WWOX: variants seen among roughly 807,000 people sequenced by gnomAD.
The protein encoded by WWOX is WW domain containing oxidoreductase.
A neutral mutation model predicts 46.2 loss-of-function variants in WWOX; 69 were observed. The observed-to-expected ratio is 1.49, with a 90% CI of 1.23 to 1.82. WWOX has a LOEUF of 1.82. WWOX is among the 40% of genes most tolerant of loss of function. The pLI is 0.00. For missense variants in WWOX, 919 were observed against 542.6 expected, an observed-to-expected ratio of 1.69 and a Z score of -6.89; for synonymous variants, 359 against 202.6, an observed-to-expected ratio of 1.77 and a Z score of -6.56.
intron 8 of WWOX, among the ~76,000 whole-genome samples, chr16:79,052,886 A>G (rs2048195169): frequency 6.6e-6 from 1 of 150,476 alleles, no homozygotes; most frequent in Non-Finnish European, 1.5e-5. Flanking sequence ...GATAATTACT[A>G]ATATGTCTGC....
intron 6 of WWOX, among the ~76,000 whole-genome samples, chr16:78,397,370 T>A (rs1216809605): frequency 6.6e-6 from 1 of 152,190 alleles, no homozygotes; most frequent in African/African-American, 2.4e-5. Context: ...CATTTTATCC[T>A]TATAATGACT....
intron 4 of WWOX, among the ~76,000 whole-genome samples, chr16:78,161,853 T>C (rs984640565): frequency 3.3e-5 from 5 of 152,290 alleles, no homozygotes; most frequent in African/African-American, 1.2e-4. Flanking sequence ...AAATCAGTAT[T>C]ATATCACTTC....
At chr16:78,513,123 C>T (rs919874889) in intron 8 of WWOX, among the ~76,000 whole-genome samples, 1 of 152,116 alleles carries the variant, frequency 6.6e-6, no homozygotes, top group African/African-American at 2.4e-5. Flanking sequence ...TTCATTCTCT[C>T]CGTTGGTCAT....
intron 8 of WWOX, among the ~76,000 whole-genome samples, chr16:78,477,851 T>C (rs1305670404): frequency 6.6e-6 from 1 of 152,198 alleles, no homozygotes; most frequent in Non-Finnish European, 1.5e-5. Flanking sequence ...TTTTACTATG[T>C]ACTGTATTAG....
intron 8 of WWOX, among the ~76,000 whole-genome samples, chr16:78,550,517 A>G (rs769084836): frequency 2.0e-5 from 3 of 152,254 alleles, no homozygotes; most frequent in Non-Finnish European, 4.4e-5. Context: ...TCTGGGAGAC[A>G]TAATTTCAAA....
rs193082670 is a variant in WWOX, at chr16:78,312,391, T to C, written c.517-74469T>C. ...GTTGTAGGTCTAATTCTTTTTTTTT[T>C]TTTAAGACGGAGTTGTGCTCTTGTC... On this transcript the variant is annotated intron_variant, in intron 5 of 8. Transcript: ENST00000566780. 9.3e-5 allele frequency among the ~76,000 whole-genome samples: 14 copies of C among 151,240 alleles called. No individual in the cohort carries two copies. In the East Asian group the frequency reaches 2.5e-3, roughly 28 times the overall value.
chr16:78,361,190 C>T (rs1362467031), intron 5 of WWOX, among the ~76,000 whole-genome samples: 1 of 152,056 alleles, frequency 6.6e-6, no homozygotes. Context: ...CTTGATTTGT[C>T]CAGTATTTTC....
chr16:78,919,296 C>G (rs1885880261), intron 8 of WWOX, among the ~76,000 whole-genome samples: 1 of 151,904 alleles, frequency 6.6e-6, no homozygotes, highest in Non-Finnish European at 1.5e-5. Flanking sequence ...AGCAGAGGCT[C>G]AGAGAAGTCA....
chr16:78,426,658 T>TTTA (rs1294536756), intron 7 of WWOX, among the ~76,000 whole-genome samples: 24 of 152,070 alleles, frequency 1.6e-4, no homozygotes, highest in East Asian at 3.9e-4. Flanking sequence ...CACATCGTTA[T>TTTA]TTATTATTAC....
intron 8 of WWOX, among the ~76,000 whole-genome samples, chr16:78,679,151 T>C (rs765797768): frequency 6.6e-6 from 1 of 152,180 alleles, no homozygotes; most frequent in Non-Finnish European, 1.5e-5. Context: ...CAGGGAGGAT[T>C]GTGTCCCCCA....
chr16:78,381,608 G>A (rs914064666), intron 5 of WWOX, among the ~76,000 whole-genome samples: 1 of 152,150 alleles, frequency 6.6e-6, no homozygotes, highest in Non-Finnish European at 1.5e-5. Flanking sequence ...TTTCTGTTTT[G>A]CCTGAGATAA....
chr16:78,149,133 A>G (rs750905583), intron 4 of WWOX, among the ~76,000 whole-genome samples: 1 of 152,008 alleles, frequency 6.6e-6, no homozygotes. Flanking sequence ...CTGGGATTAT[A>G]CTTTGAGCCA....
chr16:78,783,231 C>T (rs554563853), intron 8 of WWOX, among the ~76,000 whole-genome samples: 2 of 152,316 alleles, frequency 1.3e-5, no homozygotes, highest in East Asian at 1.9e-4. Context: ...TAACTGTTCT[C>T]TTAGTCATCA....
intron 4 of WWOX, among the ~76,000 whole-genome samples, chr16:78,160,645 C>T (rs562441807): frequency 1.1e-4 from 17 of 152,202 alleles, no homozygotes; most frequent in Admixed American, 3.9e-4. Context: ...AATTCCATTG[C>T]GGTCAAAGAG....
intron 8 of WWOX, among the ~76,000 whole-genome samples, chr16:78,530,145 G>T (rs367832524): frequency 6.6e-6 from 1 of 152,172 alleles, no homozygotes; most frequent in Non-Finnish European, 1.5e-5. Context: ...AATGAACTCT[G>T]TACTGGCCCT....
intron 4 of WWOX, among the ~76,000 whole-genome samples, chr16:78,125,056 C>A (rs2033301755): frequency 6.6e-6 from 1 of 152,100 alleles, no homozygotes; most frequent in South Asian, 2.1e-4. Flanking sequence ...GAAGTTAAAG[C>A]TAATACAATG....
At chr16:78,238,546 A>G (rs1398552716) in intron 5 of WWOX, among the ~76,000 whole-genome samples, 1 of 152,072 alleles carries the variant, frequency 6.6e-6, no homozygotes, top group Non-Finnish European at 1.5e-5. Flanking sequence ...AAGAAATAGA[A>G]ATGTCATTGT....
intron 8 of WWOX, among the ~76,000 whole-genome samples, chr16:78,692,381 C>G (rs896948856): frequency 6.6e-6 from 1 of 152,180 alleles, no homozygotes; most frequent in Non-Finnish European, 1.5e-5. Flanking sequence ...TCAGTCCTTA[C>G]CAAAGTGTAC....
intron 5 of WWOX, among the ~76,000 whole-genome samples, chr16:78,292,192 G>A (rs905520252): frequency 6.6e-6 from 1 of 150,718 alleles, no homozygotes; most frequent in African/African-American, 2.4e-5. Flanking sequence ...TGATCTACAT[G>A]ATGTCCTTCA....
Sources: gnomAD v4.1 joint callset for allele counts (sites outside exome capture counted in the v4.1 genomes callset) on GRCh38, gnomAD v4.1.1 for gene constraint, MANE v1.5 for transcripts, NCBI Gene and HGNC (gene_info 2026-07-23, HGNC 2026-07-21) for gene names.